ARHGAP24: variants seen among roughly 807,000 people sequenced by gnomAD.
ARHGAP24 encodes the protein rho GTPase-activating protein 24.
In ARHGAP24, 50 loss-of-function variants were observed where a neutral mutation model predicts 76.4. The ratio of observed to expected loss-of-function variants is 0.65; its 90% CI spans 0.52 to 0.83. The LOEUF is 0.83. Ranked by LOEUF, ARHGAP24 falls within the 40% of genes least tolerant of loss-of-function variation. ARHGAP24 has a pLI of 0.00. For missense variants in ARHGAP24, 930 were observed against 914.2 expected (o/e 1.02, Z -0.22); for synonymous variants, 345 against 323.3 (o/e 1.07, Z -0.72).
chr4:85,657,917 G>C (rs966759775), intron 2 of ARHGAP24, among the ~76,000 whole-genome samples: 1 of 152,110 alleles, frequency 6.6e-6, no homozygotes, highest in Non-Finnish European at 1.5e-5. Flanking sequence ...ACCATGCCTA[G>C]CTAATTTTTG....
At position 85,726,624 on chromosome 4, in the gene ARHGAP24, G is replaced by A. The variant is rs1272833554; in HGVS notation, c.268+4652G>A. ...TGCTGCGTTGTAGAACAATTCCCAT[G>A]AGAATCTCTTTGTGCCTTCAGCAAC... On this transcript the variant is annotated intron_variant, in intron 3 of 9. Coordinates refer to ENST00000395184, the MANE Select transcript of ARHGAP24 (RefSeq NM_001025616.3). Among the ~76,000 whole-genome samples, 4 of 152,150 alleles carry A rather than the reference G, an allele frequency of 2.6e-5. No individual in the cohort carries two copies. The East Asian group carries it at 7.7e-4, about 29-fold the overall frequency.
intron 2 of ARHGAP24, among the ~76,000 whole-genome samples, chr4:85,709,756 A>C (rs540551515): frequency 1.3e-5 from 2 of 152,302 alleles, no homozygotes; most frequent in South Asian, 4.1e-4. Flanking sequence ...AAACCAAATC[A>C]GGAACACATG....
intron 1 of ARHGAP24, among the ~76,000 whole-genome samples, chr4:85,521,354 T>C (rs560643740): frequency 6.6e-6 from 1 of 152,254 alleles, no homozygotes; most frequent in African/African-American, 2.4e-5. Context: ...AGAGTGGAAA[T>C]CAGGAGAATA....
At chr4:85,926,899 C>G (rs887889589) in intron 4 of ARHGAP24, among the ~76,000 whole-genome samples, 2 of 152,096 alleles carry the variant, frequency 1.3e-5, no homozygotes, top group Non-Finnish European at 2.9e-5. Context: ...TCTATTACTT[C>G]TACTGTGGTA....
chr4:85,508,077 G>A (rs905198978), intron 1 of ARHGAP24, among the ~76,000 whole-genome samples: 1 of 149,884 alleles, frequency 6.7e-6, no homozygotes, highest in African/African-American at 2.5e-5. Flanking sequence ...TAATTCTTAG[G>A]TAATTAACAG....
At chr4:85,828,023 ATTG>A (rs1293599890) in intron 3 of ARHGAP24, 9 of 1,230,864 alleles carry the variant, frequency 7.3e-6, no homozygotes, top group South Asian at 1.3e-5. Flanking sequence ...ATTGCCAGGT[ATTG>A]TTGTTGATTG....
chr4:85,782,209 T>TA (rs1429933618), intron 3 of ARHGAP24, among the ~76,000 whole-genome samples: 1 of 152,168 alleles, frequency 6.6e-6, no homozygotes, highest in East Asian at 1.9e-4. Flanking sequence ...GTCAATTCAG[T>TA]AAAGCTTTTC....
At chr4:85,515,021 A>C (rs1430474183) in intron 1 of ARHGAP24, among the ~76,000 whole-genome samples, 1 of 152,014 alleles carries the variant, frequency 6.6e-6, no homozygotes, top group Non-Finnish European at 1.5e-5. Flanking sequence ...TGCCCTGGGC[A>C]GCTGGGACAA....
chr4:85,480,784 C>T (rs1722786195), intron 1 of ARHGAP24, among the ~76,000 whole-genome samples: 6 of 152,004 alleles, frequency 3.9e-5, no homozygotes, highest in Admixed American at 3.9e-4. Flanking sequence ...AAAGTAGATA[C>T]TAAGGCCAAA....
intron 3 of ARHGAP24, among the ~76,000 whole-genome samples, chr4:85,921,610 A>G (rs894538471): frequency 1.3e-5 from 2 of 152,142 alleles, no homozygotes; most frequent in East Asian, 1.9e-4. Context: ...CAGCTAGTAT[A>G]AGATAAAACT....
chr4:85,851,459 A>G (rs1201365157), intron 3 of ARHGAP24, among the ~76,000 whole-genome samples: 1 of 152,140 alleles, frequency 6.6e-6, no homozygotes, highest in African/African-American at 2.4e-5. Flanking sequence ...TTTAAGGTTA[A>G]TATTGTTATG....
chr4:85,671,495 T>C (rs1722814226), intron 2 of ARHGAP24, among the ~76,000 whole-genome samples: 1 of 152,124 alleles, frequency 6.6e-6, no homozygotes, highest in South Asian at 2.1e-4. Context: ...GCAAGTAAAG[T>C]AAAAGATGTG....
At chr4:85,528,353 G>A (rs1725105009) in intron 1 of ARHGAP24, among the ~76,000 whole-genome samples, 1 of 152,006 alleles carries the variant, frequency 6.6e-6, no homozygotes, top group Non-Finnish European at 1.5e-5. Flanking sequence ...ATTTTTAATT[G>A]TAATAGCCCA....
At chr4:85,950,418 T>G (rs1737543349) in intron 5 of ARHGAP24, among the ~76,000 whole-genome samples, 1 of 151,928 alleles carries the variant, frequency 6.6e-6, no homozygotes. Flanking sequence ...GAGGATCACT[T>G]GAGCCCAGGA....
At chr4:85,787,727 A>G (rs1727917821) in intron 3 of ARHGAP24, among the ~76,000 whole-genome samples, 1 of 152,166 alleles carries the variant, frequency 6.6e-6, no homozygotes, top group Admixed American at 6.6e-5. Context: ...GAGGAGATAC[A>G]AAGAGACATC....
intron 2 of ARHGAP24, among the ~76,000 whole-genome samples, chr4:85,606,458 A>G (rs2109991969): frequency 6.6e-6 from 1 of 151,868 alleles, no homozygotes; most frequent in Middle Eastern, 3.4e-3. Flanking sequence ...GCTTGTAGTG[A>G]GCCGAGATCG....
chr4:85,719,708 G>A (rs1724857719), intron 2 of ARHGAP24, among the ~76,000 whole-genome samples: 1 of 152,114 alleles, frequency 6.6e-6, no homozygotes, highest in South Asian at 2.1e-4. Context: ...CAGGCAAAAT[G>A]CTTGGCATTG....
rs1739424648 is a variant in ARHGAP24 at position 85,977,708 on chromosome 4, C to G, written c.928+17C>G. ...TCATGGAGGGTAAGTAAATGATTAT[C>G]TTATACCCTTATCAAAAGAAGAAGT... On this transcript the variant is annotated intron_variant, in intron 8 of 9. Transcript: ENST00000395184. 1 of 1,612,018 alleles carries G rather than the reference C, an allele frequency of 6.2e-7. No homozygotes were observed. The highest frequency in any genetic ancestry group is 1.3e-5 in the African/African-American group (1 of 74,864).
chr4:85,862,921 C>T (rs1040299387), intron 3 of ARHGAP24, among the ~76,000 whole-genome samples: 3 of 152,172 alleles, frequency 2.0e-5, no homozygotes, highest in African/African-American at 7.2e-5. Flanking sequence ...AGTATCGCAA[C>T]AGTCTCCTGA....
Sources: gnomAD v4.1 joint callset for allele counts (sites outside exome capture counted in the v4.1 genomes callset) on GRCh38, gnomAD v4.1.1 for gene constraint, MANE v1.5 for transcripts, NCBI Gene and HGNC (gene_info 2026-07-23, HGNC 2026-07-21) for gene names.